WWOX: variants seen among roughly 807,000 people sequenced by gnomAD.
WWOX encodes WW domain-containing oxidoreductase.
WWOX carries 69 observed loss-of-function variants against 46.2 expected under a neutral mutation model. The observed-to-expected ratio is 1.49, with a 90% CI of 1.23 to 1.82. The LOEUF (loss-of-function observed/expected upper bound fraction) is 1.82. Among genes scored for constraint, WWOX ranks in the 40% most tolerant of loss-of-function variants. The probability of loss-of-function intolerance (pLI) is 0.00; values close to 1 mark genes in which losing one functional copy is unlikely to be tolerated. For missense variants in WWOX, 919 were observed against 542.6 expected, an observed-to-expected ratio of 1.69 and a Z score of -6.89; for synonymous variants, 359 against 202.6, an observed-to-expected ratio of 1.77 and a Z score of -6.56.
chr16:78,498,564 T>C, intron 8 of WWOX, among the ~76,000 whole-genome samples: 1 of 152,122 alleles, frequency 6.6e-6, no homozygotes, highest in Non-Finnish European at 1.5e-5. Flanking sequence ...ACCTTTGGCC[T>C]AAAGGGTAAT....
intron 5 of WWOX, among the ~76,000 whole-genome samples, chr16:78,361,786 A>AT: frequency 6.6e-6 from 1 of 151,860 alleles, no homozygotes; most frequent in South Asian, 2.1e-4. Context: ...TAATTTTTAT[A>AT]TTTTTAGTAG....
intron 8 of WWOX, among the ~76,000 whole-genome samples, chr16:78,862,841 A>C (rs1272204109): frequency 6.6e-6 from 1 of 152,158 alleles, no homozygotes; most frequent in Non-Finnish European, 1.5e-5. Flanking sequence ...CGAAACGTTA[A>C]TGTCCTCCAG....
chr16:78,124,367 A>G (rs1195575314), intron 4 of WWOX: 1 of 152,202 alleles, frequency 6.6e-6, no homozygotes, highest in Non-Finnish European at 1.5e-5. Context: ...AGACTTCATA[A>G]TAAATAAGAT....
chr16:78,562,727 G>A (rs959856524), intron 8 of WWOX, among the ~76,000 whole-genome samples: 23 of 152,160 alleles, frequency 1.5e-4, no homozygotes, highest in African/African-American at 5.3e-4. Flanking sequence ...CTGAATGGAG[G>A]TGAAAGCATG....
chr16:78,997,284 G>A (rs1388639436), intron 8 of WWOX, among the ~76,000 whole-genome samples: 2 of 152,064 alleles, frequency 1.3e-5, no homozygotes, highest in Non-Finnish European at 2.9e-5. Flanking sequence ...TATAATATAA[G>A]GTCCTTTCCT....
At chr16:78,467,185 A>G (rs2084100428) in intron 8 of WWOX, among the ~76,000 whole-genome samples, 1 of 152,224 alleles carries the variant, frequency 6.6e-6, no homozygotes, top group African/African-American at 2.4e-5. Context: ...AAATTTTTCA[A>G]AGAGGTAGGC....
At chr16:78,304,134 T>G (rs1022645829) in intron 5 of WWOX, among the ~76,000 whole-genome samples, 5 of 152,198 alleles carry the variant, frequency 3.3e-5, no homozygotes, top group Non-Finnish European at 7.3e-5. Flanking sequence ...CTCCCCAAAG[T>G]GTTTCCTTCC....
At chr16:78,330,641 CG>C (rs2080734274) in intron 5 of WWOX, among the ~76,000 whole-genome samples, 1 of 152,208 alleles carries the variant, frequency 6.6e-6, no homozygotes, top group Non-Finnish European at 1.5e-5. Context: ...GTGATCCGCC[CG>C]CCTTGGCCTC....
chr16:78,526,990 C>T (rs2043485651), intron 8 of WWOX, among the ~76,000 whole-genome samples: 2 of 152,150 alleles, frequency 1.3e-5, no homozygotes, highest in Admixed American at 1.3e-4. Flanking sequence ...CATGGTGAAA[C>T]CCCATCTCTA....
chr16:78,494,291 C>G (rs1303020013), intron 8 of WWOX, among the ~76,000 whole-genome samples: 1 of 152,180 alleles, frequency 6.6e-6, no homozygotes, highest in Non-Finnish European at 1.5e-5. Flanking sequence ...CTATGCAGCA[C>G]ACACCTTTGT....
chr16:78,476,802 A>G (rs2084359587), intron 8 of WWOX, among the ~76,000 whole-genome samples: 1 of 152,120 alleles, frequency 6.6e-6, no homozygotes, highest in African/African-American at 2.4e-5. Context: ...CACAATAGGC[A>G]ATTGAGATAG....
intron 6 of WWOX, among the ~76,000 whole-genome samples, chr16:78,409,264 C>T (rs944262678): frequency 2.0e-5 from 3 of 152,106 alleles, no homozygotes; most frequent in Non-Finnish European, 4.4e-5. Flanking sequence ...GGGTGAATTT[C>T]ACTATGAATT....
intron 8 of WWOX, among the ~76,000 whole-genome samples, chr16:78,646,575 G>C (rs2046849926): frequency 6.6e-6 from 1 of 152,024 alleles, no homozygotes; most frequent in Non-Finnish European, 1.5e-5. Flanking sequence ...TTACACGTAT[G>C]TACCACTACT....
intron 8 of WWOX, among the ~76,000 whole-genome samples, chr16:79,178,775 T>A (rs1222829601): frequency 6.6e-6 from 1 of 152,222 alleles, no homozygotes; most frequent in Non-Finnish European, 1.5e-5. Context: ...GTCGACTAAT[T>A]TTATGACAGT....
intron 8 of WWOX, among the ~76,000 whole-genome samples, chr16:78,918,424 C>G (rs533348902): frequency 3.9e-5 from 6 of 152,120 alleles, no homozygotes; most frequent in Admixed American, 6.5e-5. Context: ...CGTGTCCTAT[C>G]CCTTTATTTT....
At chr16:78,833,938 C>G (rs1201993931) in intron 8 of WWOX, among the ~76,000 whole-genome samples, 3 of 152,252 alleles carry the variant, frequency 2.0e-5, no homozygotes, top group Non-Finnish European at 2.9e-5. Context: ...AGGACTGTGT[C>G]TTATTCTGTG....
intron 4 of WWOX, among the ~76,000 whole-genome samples, chr16:78,146,699 CAGAT>C (rs1163122609): frequency 3.9e-5 from 6 of 152,320 alleles, no homozygotes; most frequent in Admixed American, 1.3e-4. Flanking sequence ...GATGGCTTCT[CAGAT>C]AGCGTAAAAA....
rs936980622 is a variant in WWOX at position 78,488,955 on chromosome 16, C to G, written c.1056+56203C>G. ...TGTGCTTTCTGATAATGGCACTAGG[C>G]TGCCTTGTTGCCTCCTGCATGTAGA... On this transcript the variant is annotated intron_variant, in intron 8 of 8. Transcript: ENST00000566780. Among the ~76,000 whole-genome samples, 3 of 152,308 alleles carry G rather than the reference C, an allele frequency of 2.0e-5. 1 individual carries two copies. Among genetic ancestry groups the G allele is most frequent in the Admixed American group, 2.0e-4 (3 of 15,294 alleles).
chr16:79,095,278 G>A (rs1597371059), intron 8 of WWOX, among the ~76,000 whole-genome samples: 1 of 151,436 alleles, frequency 6.6e-6, no homozygotes. Context: ...ATGGAAAAAT[G>A]GACCCTGCAT....
Sources: gnomAD v4.1 joint callset for allele counts (sites outside exome capture counted in the v4.1 genomes callset) on GRCh38, gnomAD v4.1.1 for gene constraint, MANE v1.5 for transcripts, NCBI Gene and HGNC (gene_info 2026-07-23, HGNC 2026-07-21) for gene names.